CARMIL1: variants seen among roughly 807,000 people sequenced by gnomAD.
CARMIL1 encodes the protein F-actin-uncapping protein LRRC16A.
A neutral mutation model predicts 177.1 loss-of-function variants in CARMIL1; 90 were observed. The ratio of observed to expected loss-of-function variants is 0.51; its 90% CI spans 0.43 to 0.61. CARMIL1 has a LOEUF of 0.61. Ranked by LOEUF, CARMIL1 falls within the 20% of genes least tolerant of loss-of-function variation. The probability of loss-of-function intolerance (pLI) is 0.00; values close to 1 mark genes in which losing one functional copy is unlikely to be tolerated. For missense variants in CARMIL1, 1,380 were observed against 1,667.0 expected (o/e 0.83, Z 3.00); for synonymous variants, 577 against 606.2 (o/e 0.95, Z 0.71).
At chr6:25,301,162 A>G (rs530343504) in intron 2 of CARMIL1, among the ~76,000 whole-genome samples, 27 of 152,334 alleles carry the variant, frequency 1.8e-4, no homozygotes, top group African/African-American at 5.8e-4. Context: ...AACCAGCAGC[A>G]TGTATTGGGA....
chr6:25,537,111 G>A (rs2151123511), intron 24 of CARMIL1, among the ~76,000 whole-genome samples: 1 of 152,178 alleles, frequency 6.6e-6, no homozygotes, highest in Non-Finnish European at 1.5e-5. Flanking sequence ...CTACCATAGA[G>A]ATCCACCATC....
chr6:25,619,894 T>G lies in CARMIL1; in HGVS notation c.*311T>G. 5.7e-6 allele frequency: 1 copy of G among 174,170 alleles called. No individual in the cohort carries two copies. 10.8% of individuals were successfully genotyped at this position (174,170 alleles called of 1,614,324 possible). A position where few individuals can be genotyped will look rare whatever the true frequency, so the allele number is the denominator to read the frequency against. Reference sequence around the variant, plus strand: ...CCAGCAATTATCCCATGGGCCCTACTTGAATTTATCTGAGGCAGCTACAGA... The same window carrying G: ...CCAGCAATTATCCCATGGGCCCTACGTGAATTTATCTGAGGCAGCTACAGA... On this transcript the variant is annotated 3_prime_UTR_variant, in exon 37 of 37. Coordinates refer to ENST00000329474, the MANE Select transcript of CARMIL1 (RefSeq NM_017640.6).
At chr6:25,477,102 A>AG (rs1240039702) in intron 11 of CARMIL1, among the ~76,000 whole-genome samples, 2 of 151,224 alleles carry the variant, frequency 1.3e-5, no homozygotes, top group African/African-American at 4.9e-5. Flanking sequence ...AAAAAAAAAA[A>AG]CAAAAAACAA....
At chr6:25,365,550 C>A (rs945597716) in intron 2 of CARMIL1, among the ~76,000 whole-genome samples, 9 of 152,120 alleles carry the variant, frequency 5.9e-5, no homozygotes, top group African/African-American at 2.2e-4. Context: ...CCGCCCCCCT[C>A]ACTTTATTTA....
chr6:25,343,909 G>T (rs567195725), intron 2 of CARMIL1, among the ~76,000 whole-genome samples: 1 of 152,144 alleles, frequency 6.6e-6, no homozygotes, highest in African/African-American at 2.4e-5. Flanking sequence ...TCATAGTGCT[G>T]CTCCTCCTTC....
At chr6:25,566,275 C>T (rs7738571) in intron 29 of CARMIL1, among the ~76,000 whole-genome samples, 25,612 of 152,206 alleles carry the variant, frequency 0.17, 2,428 homozygotes, top group East Asian at 0.4. Context: ...CACATTGTAC[C>T]CAGAATAAGG....
intron 32 of CARMIL1, among the ~76,000 whole-genome samples, chr6:25,596,062 G>A (rs1814808297): frequency 2.0e-5 from 3 of 152,136 alleles, no homozygotes; most frequent in South Asian, 2.1e-4. Flanking sequence ...ATAAGCATTC[G>A]ATCCGAACTG....
At chr6:25,298,303 C>T (rs1356453306) in intron 2 of CARMIL1, among the ~76,000 whole-genome samples, 1 of 152,078 alleles carries the variant, frequency 6.6e-6, no homozygotes, top group Non-Finnish European at 1.5e-5. Context: ...AAAGAAATAC[C>T]TCAACTTTGC....
At chr6:25,615,844 G>A (rs1427739913) in intron 36 of CARMIL1, among the ~76,000 whole-genome samples, 2 of 152,158 alleles carry the variant, frequency 1.3e-5, no homozygotes, top group Admixed American at 1.3e-4. Context: ...TTACAATGGA[G>A]AAAATACCAA....
intron 2 of CARMIL1, among the ~76,000 whole-genome samples, chr6:25,379,587 G>A (rs1791332375): frequency 6.6e-6 from 1 of 152,162 alleles, no homozygotes; most frequent in Non-Finnish European, 1.5e-5. Flanking sequence ...TGTGTGTCTT[G>A]AGGTGGCTCC....
At chr6:25,555,083 A>G (rs979773069) in intron 28 of CARMIL1, among the ~76,000 whole-genome samples, 2 of 152,164 alleles carry the variant, frequency 1.3e-5, no homozygotes, top group Non-Finnish European at 2.9e-5. Context: ...CCCCAGAGGA[A>G]GCATCCAGAA....
chr6:25,596,004 T>C (rs1814802452), intron 32 of CARMIL1, among the ~76,000 whole-genome samples: 1 of 152,180 alleles, frequency 6.6e-6, no homozygotes, highest in Non-Finnish European at 1.5e-5. Flanking sequence ...TACTATTGTT[T>C]GCTCTTTTTA....
Position 25,581,259 on chromosome 6 carries a change from A to G in CARMIL1, c.2826A>G (p.Leu942=). The G allele has an allele frequency of 6.2e-7, 1 of 1,613,684 alleles. No homozygotes were observed. Among genetic ancestry groups the G allele is most frequent in the Non-Finnish European group, 8.5e-7 (1 of 1,179,828 alleles). ...VSRAFEMEFD[L]DKALEEVPIH... The stretch of plus-strand genomic sequence containing the variant: ...TAATTTTAGAAATGGAGTTTGATCT[A>G]GATAAAGCGCTGGAAGAGGTACCAA... Residue 942 remains leucine (L), a synonymous_variant, in exon 31 of 37, where the codon CTA becomes CTG. Transcript: ENST00000329474.
Position 25,450,662 on chromosome 6 carries a change from C to G in CARMIL1, c.565C>G (p.Gln189Glu). The change falls in exon 8 of 37, where the codon CAA (glutamine) becomes GAA (glutamate). Residue 189 changes from glutamine to glutamate, a missense_variant. Physicochemically the swap from Gln to Glu is conservative, Grantham distance 29. Coordinates refer to ENST00000329474, the MANE Select transcript of CARMIL1 (RefSeq NM_017640.6). ...GGATGTGGATACAATTTATCTTACC[C>G]AAGACACCAGGGAATTGAATTTACA... ...QWDVDTIYLT[Q>E]DTRELNLQDF... The G allele has an allele frequency of 6.2e-7, 1 of 1,604,224 alleles. No homozygotes were observed. The highest frequency in any genetic ancestry group is 8.5e-7 in the Non-Finnish European group (1 of 1,173,376).
chr6:25,403,356 A>G (rs1794055119), intron 2 of CARMIL1, among the ~76,000 whole-genome samples: 1 of 152,074 alleles, frequency 6.6e-6, no homozygotes, highest in African/African-American at 2.4e-5. Context: ...ATCTCTCACA[A>G]GCTATTGCCG....
At chr6:25,424,009 A>C (rs1321189125) in intron 3 of CARMIL1, among the ~76,000 whole-genome samples, 2 of 152,030 alleles carry the variant, frequency 1.3e-5, no homozygotes, top group Non-Finnish European at 2.9e-5. Flanking sequence ...GCCTAATAAA[A>C]ATAGCCATAG....
chr6:25,322,449 A>G (rs1164974637), intron 2 of CARMIL1, among the ~76,000 whole-genome samples: 1 of 152,236 alleles, frequency 6.6e-6, no homozygotes, highest in Admixed American at 6.5e-5. Flanking sequence ...AAAGGAATAA[A>G]TAGAGTGATT....
intron 2 of CARMIL1, among the ~76,000 whole-genome samples, chr6:25,385,353 T>C (rs896628266): frequency 6.6e-6 from 1 of 152,172 alleles, no homozygotes; most frequent in African/African-American, 2.4e-5. Flanking sequence ...ATTCGAACAG[T>C]TGAGTGGCAT....
intron 23 of CARMIL1, among the ~76,000 whole-genome samples, chr6:25,524,942 G>GA: frequency 6.6e-6 from 1 of 151,600 alleles, no homozygotes; most frequent in Non-Finnish European, 1.5e-5. Flanking sequence ...ATTGCACAAA[G>GA]AAAAAAAGAA....
Sources: allele counts gnomAD v4.1 joint callset (sites outside exome capture counted in the v4.1 genomes callset), GRCh38; gene constraint gnomAD v4.1.1; transcripts MANE v1.5; gene names NCBI Gene and HGNC (gene_info 2026-07-23, HGNC 2026-07-21).